The following LAMA2 variants were observed in gnomAD, a reference collection of about 807,000 sequenced individuals.
LAMA2 encodes laminin subunit alpha 2.
Under a neutral mutation model 364.8 loss-of-function variants are expected in LAMA2, and 269 were observed. The observed-to-expected ratio is 0.74, with a 90% CI of 0.67 to 0.82. The LOEUF (loss-of-function observed/expected upper bound fraction) is 0.82, where lower values mean the gene tolerates loss of function less well. Ranked by LOEUF, LAMA2 falls within the 40% of genes least tolerant of loss-of-function variation. The pLI, the probability that LAMA2 is intolerant of heterozygous loss-of-function variation, is 0.00. For missense variants in LAMA2, 3,807 were observed against 3,873.2 expected (o/e 0.98, Z 0.45); for synonymous variants, 1,379 against 1,370.6 (o/e 1.01, Z -0.14).
intron 1 of LAMA2, among the ~76,000 whole-genome samples, chr6:128,991,262 TG>T (rs1438750007): frequency 6.6e-6 from 1 of 152,198 alleles, no homozygotes; most frequent in Non-Finnish European, 1.5e-5. Context: ...GAACGATGAC[TG>T]GTTTACAAAT....
intron 1 of LAMA2, among the ~76,000 whole-genome samples, chr6:128,941,836 G>A (rs576086641): frequency 3.5e-4 from 53 of 152,260 alleles, no homozygotes; most frequent in African/African-American, 1.2e-3. Flanking sequence ...CAAATGCACC[G>A]TGCAGTTAGA....
At chr6:128,934,518 T>C (rs1779695158) in intron 1 of LAMA2, among the ~76,000 whole-genome samples, 1 of 152,094 alleles carries the variant, frequency 6.6e-6, no homozygotes, top group African/African-American at 2.4e-5. Context: ...CTTTTTTTTC[T>C]GAGGTGGAAT....
At chr6:129,333,599 A>G (rs1352799240) in intron 29 of LAMA2, among the ~76,000 whole-genome samples, 1 of 152,190 alleles carries the variant, frequency 6.6e-6, no homozygotes, top group East Asian at 1.9e-4. Context: ...AATATTAGCC[A>G]TCCATGAATT....
intron 27 of LAMA2, among the ~76,000 whole-genome samples, chr6:129,319,048 C>T (rs1774788832): frequency 6.6e-6 from 1 of 151,758 alleles, no homozygotes; most frequent in African/African-American, 2.4e-5. Context: ...ACTATTTCAC[C>T]ATCAGAAAAG....
Position 129,383,223 on chromosome 6 carries a change from G to A in LAMA2, c.5061G>A (p.Arg1687=). The A allele has an allele frequency of 6.2e-7, 1 of 1,609,902 alleles. No individual in the cohort carries two copies. Among genetic ancestry groups the A allele is most frequent in the Non-Finnish European group, 8.5e-7 (1 of 1,176,816 alleles). Residue 1687 remains arginine, a synonymous_variant, in exon 35 of 65, where the codon CGG becomes CGA. Coordinates refer to ENST00000421865, the MANE Select transcript of LAMA2 (RefSeq NM_000426.4). ...GAGAATTCATTAAGGAGCTTGCCCG[G>A]GATGCAGAAGGTATTAGAAAGAATC... is the stretch of plus-strand genomic sequence containing the variant. ...SLGEFIKELA[R]DAEAVNEKAI... is the part of the protein sequence containing the mutation.
chr6:129,427,010 T>G (rs1436990204), intron 40 of LAMA2, among the ~76,000 whole-genome samples: 1 of 152,204 alleles, frequency 6.6e-6, no homozygotes, highest in Non-Finnish European at 1.5e-5. Context: ...TATATATGAA[T>G]TATGTAATGA....
At chr6:129,319,482 G>T (rs1270543434) in intron 27 of LAMA2, among the ~76,000 whole-genome samples, 1 of 152,006 alleles carries the variant, frequency 6.6e-6, no homozygotes, top group Non-Finnish European at 1.5e-5. Flanking sequence ...TAACATTTGA[G>T]GAAGCAAAAA....
chr6:129,242,470 A>G (rs1785457597), intron 12 of LAMA2, among the ~76,000 whole-genome samples: 1 of 152,142 alleles, frequency 6.6e-6, no homozygotes, highest in South Asian at 2.1e-4. Flanking sequence ...GATGTTGTAT[A>G]TTATGAGCGT....
intron 1 of LAMA2, among the ~76,000 whole-genome samples, chr6:128,915,640 C>G (rs1358059517): frequency 2.0e-5 from 3 of 152,180 alleles, no homozygotes. Context: ...TGCAGGTAAA[C>G]TTGGCAGTGT....
At chr6:129,395,479 T>C (rs1249885480) in intron 37 of LAMA2, among the ~76,000 whole-genome samples, 1 of 152,184 alleles carries the variant, frequency 6.6e-6, no homozygotes, top group East Asian at 1.9e-4. Flanking sequence ...AGACAAATTC[T>C]TGGACCCCAT....
chr6:129,241,732 C>G (rs548751815), intron 12 of LAMA2, among the ~76,000 whole-genome samples: 1 of 152,110 alleles, frequency 6.6e-6, no homozygotes, highest in Non-Finnish European at 1.5e-5. Flanking sequence ...TAACACAACC[C>G]TTTACCTGTT....
chr6:129,320,084 G>GAT (rs1774860250), intron 27 of LAMA2, among the ~76,000 whole-genome samples: 1 of 151,862 alleles, frequency 6.6e-6, no homozygotes, highest in South Asian at 2.1e-4. Context: ...AGTGAGCCAA[G>GAT]ATTATGCCAC....
chr6:129,339,391 C>T (rs1229562855), intron 29 of LAMA2, among the ~76,000 whole-genome samples: 3 of 152,148 alleles, frequency 2.0e-5, no homozygotes, highest in Non-Finnish European at 4.4e-5. Context: ...AAGAGATGAA[C>T]TTCATTGTTG....
chr6:129,122,674 A>G (rs899265353), intron 4 of LAMA2, among the ~76,000 whole-genome samples: 1 of 152,078 alleles, frequency 6.6e-6, no homozygotes, highest in Admixed American at 6.6e-5. Context: ...GTTGTTCACA[A>G]CTGAGCTCAT....
chr6:129,177,179 A>T (rs78303298), intron 9 of LAMA2, among the ~76,000 whole-genome samples: 2,920 of 152,296 alleles, frequency 0.019, 109 homozygotes, highest in African/African-American at 0.066. Flanking sequence ...CTTATCCCCA[A>T]AATATCAATT....
At chr6:128,928,933 A>G in intron 1 of LAMA2, 3 of 820,668 alleles carry the variant, frequency 3.7e-6, no homozygotes, top group Non-Finnish European at 6.3e-6. Flanking sequence ...TGGAATACAC[A>G]ACAGATAAGG....
At chr6:129,402,568 A>T in intron 39 of LAMA2, 81 bp downstream of exon 39, 2 of 1,359,990 alleles carry the variant, frequency 1.5e-6, no homozygotes, top group Non-Finnish European at 2.1e-6. Context: ...GTAGAGAATC[A>T]TTTTCAAATC....
chr6:129,271,464 C>CTTTTTTT (rs11287525), intron 17 of LAMA2, among the ~76,000 whole-genome samples: 1 of 80,244 alleles, frequency 1.2e-5, no homozygotes, highest in African/African-American at 3.9e-5. Flanking sequence ...AATTGGGATA[C>CTTTTTTT]TTTTTTTTTT....
At chr6:129,428,091 C>T (rs1048740167) in intron 41 of LAMA2, among the ~76,000 whole-genome samples, 2 of 152,162 alleles carry the variant, frequency 1.3e-5, no homozygotes, top group Non-Finnish European at 2.9e-5. Context: ...ATCACTTCAC[C>T]TATATCTAAT....
Sources: gnomAD v4.1 joint callset for allele counts (sites outside exome capture counted in the v4.1 genomes callset) on GRCh38, gnomAD v4.1.1 for gene constraint, MANE v1.5 for transcripts, NCBI Gene and HGNC (gene_info 2026-07-23, HGNC 2026-07-21) for gene names.